Variants in CDH8 observed in about 807,000 individuals in gnomAD.
CDH8 encodes cadherin 8.
A neutral mutation model predicts 68.1 loss-of-function variants in CDH8; 17 were observed. The observed-to-expected ratio is 0.25, with a 90% CI of 0.17 to 0.37. The LOEUF is 0.37. Among genes scored for constraint, CDH8 ranks in the 10% least tolerant of loss-of-function variants. CDH8 has a pLI of 1.00. For missense variants in CDH8, 763 were observed against 999.3 expected, an observed-to-expected ratio of 0.76 and a Z score of 3.19; for synonymous variants, 372 against 365.1, an observed-to-expected ratio of 1.02 and a Z score of -0.21.
intron 3 of CDH8, among the ~76,000 whole-genome samples, chr16:61,877,827 T>A (rs1205960586): frequency 6.6e-6 from 1 of 152,100 alleles, no homozygotes; most frequent in African/African-American, 2.4e-5. Context: ...CTTCAAGGAT[T>A]CAAGAGAAAT....
At chr16:61,994,741 G>A (rs1965781244) in intron 2 of CDH8, among the ~76,000 whole-genome samples, 1 of 97,314 alleles carries the variant, frequency 1.0e-5, no homozygotes, top group African/African-American at 4.8e-5. Flanking sequence ...CAGGCCCACT[G>A]TACCTGCTTT....
chr16:61,991,003 AAAGG>A (rs1597112362), intron 2 of CDH8, among the ~76,000 whole-genome samples: 1 of 152,126 alleles, frequency 6.6e-6, no homozygotes, highest in East Asian at 1.9e-4. Context: ...GGGAGGAAGG[AAAGG>A]AAGGGAGGAG....
At chr16:61,710,260 G>A (rs766633800) in intron 10 of CDH8, among the ~76,000 whole-genome samples, 17 of 151,966 alleles carry the variant, frequency 1.1e-4, no homozygotes, top group Admixed American at 2.6e-4. Flanking sequence ...AAGAGTATTC[G>A]ATACTTCCAG....
At chr16:61,690,916 G>A (rs1596869900) in intron 10 of CDH8, among the ~76,000 whole-genome samples, 1 of 151,822 alleles carries the variant, frequency 6.6e-6, no homozygotes, top group Non-Finnish European at 1.5e-5. Flanking sequence ...TTCAACCTCA[G>A]CTCTGCAATT....
chr16:61,993,007 A>G (rs1597113817), intron 2 of CDH8, among the ~76,000 whole-genome samples: 1 of 152,158 alleles, frequency 6.6e-6, no homozygotes, highest in East Asian at 1.9e-4. Context: ...CTGGTCTTGA[A>G]CTACTGGGCT....
intron 2 of CDH8, among the ~76,000 whole-genome samples, chr16:61,918,882 G>C (rs1000656774): frequency 6.6e-6 from 1 of 150,790 alleles, no homozygotes; most frequent in African/African-American, 2.4e-5. Context: ...CAAACAAAAA[G>C]ACAGCAGTAA....
At chr16:61,741,264 C>T (rs1269175993) in intron 8 of CDH8, among the ~76,000 whole-genome samples, 7 of 152,184 alleles carry the variant, frequency 4.6e-5, no homozygotes, top group African/African-American at 1.7e-4. Flanking sequence ...AATTGATATG[C>T]CTACACTATA....
In CDH8 at chr16:61,651,857, C is replaced by T. The variant is rs552806743; in HGVS notation, c.*1751G>A. The T allele has an allele frequency of 2.6e-5, 4 of 154,940 alleles. No homozygotes were observed. The highest frequency in any genetic ancestry group is 7.2e-5 in the African/African-American group (3 of 41,578). The allele number at this position is 154,940 out of a possible 1,614,324, so 9.6% of individuals were successfully genotyped here. A position where few individuals can be genotyped will look rare whatever the true frequency, so the allele number is the denominator to read the frequency against. On this transcript the variant is annotated 3_prime_UTR_variant, in exon 12 of 12. Coordinates refer to ENST00000577390, the MANE Select transcript of CDH8 (RefSeq NM_001796.5). Reference sequence around the variant, plus strand: ...ATCTTGCTGTGTGATCACTGGCAAGCCATTTCTCTTCTCTGTTTCTCTATA... The same window carrying T: ...ATCTTGCTGTGTGATCACTGGCAAGTCATTTCTCTTCTCTGTTTCTCTATA...
At chr16:61,680,103 T>C (rs1963985628) in intron 10 of CDH8, among the ~76,000 whole-genome samples, 1 of 152,058 alleles carries the variant, frequency 6.6e-6, no homozygotes, top group South Asian at 2.1e-4. Context: ...ATCAACCATA[T>C]CCCTGCGTCA....
Position 61,844,905 on chromosome 16 carries a change from G to A in CDH8, c.667+12214C>T, listed in dbSNP as rs570889010. Among the ~76,000 whole-genome samples the A allele has an allele frequency of 3.3e-5, 5 of 152,264 alleles. No individual in the cohort carries two copies. In the South Asian group the frequency reaches 8.3e-4, roughly 25 times the overall value. ...GGAAAGACTTTAAAAGTATGACTTT[G>A]TAAAGTTGGTAAAACCTGGTTATTA... On this transcript the variant is annotated intron_variant, in intron 4 of 11. Transcript: ENST00000577390.
chr16:61,801,633 G>A (rs1241079946), intron 7 of CDH8, among the ~76,000 whole-genome samples: 1 of 152,136 alleles, frequency 6.6e-6, no homozygotes, highest in Non-Finnish European at 1.5e-5. Flanking sequence ...CCAAAGCAGG[G>A]CGAGGCATTG....
intron 2 of CDH8, among the ~76,000 whole-genome samples, chr16:61,989,002 T>C (rs1267080593): frequency 6.6e-6 from 1 of 152,124 alleles, no homozygotes; most frequent in Non-Finnish European, 1.5e-5. Flanking sequence ...AAGACTTGAA[T>C]AGAGTTCCTA....
intron 3 of CDH8, among the ~76,000 whole-genome samples, chr16:61,898,668 A>T (rs1963912510): frequency 1.3e-5 from 2 of 152,220 alleles, no homozygotes; most frequent in Admixed American, 6.5e-5. Flanking sequence ...GGTCATTAAG[A>T]TATGATTTTG....
intron 3 of CDH8, 111 bp downstream of exon 3, chr16:61,901,068 A>T: frequency 1.0e-6 from 1 of 989,720 alleles, no homozygotes; most frequent in Non-Finnish European, 1.5e-6. Context: ...AATGCAAATT[A>T]GAGATAAGGT....
intron 8 of CDH8, among the ~76,000 whole-genome samples, chr16:61,746,368 G>A (rs1362346137): frequency 6.6e-6 from 1 of 151,926 alleles, no homozygotes; most frequent in Admixed American, 6.6e-5. Context: ...AACTCTGAAA[G>A]GAATACGCAG....
intron 3 of CDH8, among the ~76,000 whole-genome samples, chr16:61,861,376 C>T (rs927990459): frequency 2.6e-5 from 4 of 152,274 alleles, no homozygotes; most frequent in Admixed American, 2.6e-4. Context: ...CATAGTCATG[C>T]AAACTGTTTC....
chr16:61,756,843 A>T (rs1960332970), intron 8 of CDH8, among the ~76,000 whole-genome samples: 1 of 152,176 alleles, frequency 6.6e-6, no homozygotes, highest in Admixed American at 6.5e-5. Context: ...CTGTCCTAGA[A>T]GTTCGACAAA....
chr16:61,936,375 T>C (rs1303170651), intron 2 of CDH8, among the ~76,000 whole-genome samples: 1 of 152,158 alleles, frequency 6.6e-6, no homozygotes, highest in Non-Finnish European at 1.5e-5. Flanking sequence ...TTATTGAATA[T>C]TTAATACTGC....
At chr16:61,970,152 G>T (rs1050346838) in intron 2 of CDH8, among the ~76,000 whole-genome samples, 1 of 152,122 alleles carries the variant, frequency 6.6e-6, no homozygotes, top group Non-Finnish European at 1.5e-5. Context: ...TTAGTAAGAT[G>T]CCATAATCCA....
Sources: allele counts gnomAD v4.1 joint callset (sites outside exome capture counted in the v4.1 genomes callset), GRCh38; gene constraint gnomAD v4.1.1; transcripts MANE v1.5; gene names NCBI Gene and HGNC (gene_info 2026-07-23, HGNC 2026-07-21).